Variants in SLC6A17 observed in about 807,000 individuals in gnomAD.
SLC6A17 encodes solute carrier family 6 member 17.
Under a neutral mutation model 64.5 loss-of-function variants are expected in SLC6A17, and 21 were observed. That is an observed-to-expected ratio of 0.33 (90% confidence interval 0.23 to 0.47). SLC6A17 has a LOEUF of 0.47. Ranked by LOEUF, SLC6A17 falls within the 20% of genes least tolerant of loss-of-function variation. The probability of loss-of-function intolerance (pLI) is 1.00; values close to 1 mark genes in which losing one functional copy is unlikely to be tolerated. For missense variants in SLC6A17, 682 were observed against 963.2 expected, an observed-to-expected ratio of 0.71 and a Z score of 3.86; for synonymous variants, 372 against 399.5, an observed-to-expected ratio of 0.93 and a Z score of 0.82.
rs183328295 is a variant in SLC6A17 at position 110,199,743 on chromosome 1, C to G, written c.*1299C>G. On this transcript the variant is annotated 3_prime_UTR_variant, in exon 12 of 12. Transcript: ENST00000331565. ...AAGGCTGCAGCTGACAACAGCGACC[C>G]CACCTGCCATTACCTTCAGGGCCTC... 1 of 387,824 alleles carries G rather than the reference C, an allele frequency of 2.6e-6. No individual in the cohort carries two copies. Among genetic ancestry groups the G allele is most frequent in the Non-Finnish European group, 4.6e-6 (1 of 219,736 alleles). 24.0% of individuals were successfully genotyped at this position (387,824 alleles called of 1,614,324 possible). A position where few individuals can be genotyped will look rare whatever the true frequency, so the allele number is the denominator to read the frequency against.
chr1:110,188,198 T>G (rs1656734078), intron 6 of SLC6A17, among the ~76,000 whole-genome samples: 1 of 152,208 alleles, frequency 6.6e-6, no homozygotes, highest in Non-Finnish European at 1.5e-5. Flanking sequence ...TTTCTAAAAT[T>G]AAATTAGAAA....
chr1:110,161,119 G>T (rs996370528), intron 1 of SLC6A17, among the ~76,000 whole-genome samples: 1 of 152,194 alleles, frequency 6.6e-6, no homozygotes, highest in Non-Finnish European at 1.5e-5. Context: ...TCAAGGCCAG[G>T]CCCTGTCAGG....
chr1:110,165,012 G>T lies in SLC6A17; in HGVS notation c.-87-1831G>T, dbSNP rs548487567. On this transcript the variant is annotated intron_variant, in intron 1 of 11. Transcript: ENST00000331565. The stretch of plus-strand genomic sequence containing the variant: ...TCTGAGCCAAGGAACTCTAGTGATT[G>T]CAGGCTCCAGAGGGACCCCCACCCT... Among the ~76,000 whole-genome samples, 55 of 152,178 alleles carry T rather than the reference G, an allele frequency of 3.6e-4. 1 individual carries two copies. The highest frequency in any genetic ancestry group is 7.9e-4 in the Admixed American group (12 of 15,278).
chr1:110,161,864 A>G (rs1655920309), intron 1 of SLC6A17, among the ~76,000 whole-genome samples: 1 of 152,190 alleles, frequency 6.6e-6, no homozygotes, highest in Non-Finnish European at 1.5e-5. Flanking sequence ...TTATTGCCGG[A>G]TGCTGTGCTT....
At chr1:110,177,600 G>A (rs949838703) in intron 6 of SLC6A17, 2 of 152,322 alleles carry the variant, frequency 1.3e-5, no homozygotes, top group Non-Finnish European at 2.9e-5. Context: ...CAGCTGGTCA[G>A]GCTGAGAGTC....
Position 110,192,488 on chromosome 1 carries a change from C to T in SLC6A17, c.1107-18C>T. ...CACCCCTGCCTTCTTACCTGGTCCT[C>T]TCGGTTTTGTGCTGCAGGAATGCTG... On this transcript the variant is annotated intron_variant, in intron 7 of 11. Transcript: ENST00000331565. This position sits in a 1 kb window ranked among gnomAD's most constrained non-coding sequence, Gnocchi z 4.3. 1.2e-6 allele frequency: 2 copies of T among 1,604,066 alleles called. No individual in the cohort carries two copies. The highest frequency in any genetic ancestry group is 8.5e-7 in the Non-Finnish European group (1 of 1,174,864).
intron 6 of SLC6A17, among the ~76,000 whole-genome samples, chr1:110,190,143 T>G (rs1656787246): frequency 6.6e-6 from 1 of 152,098 alleles, no homozygotes; most frequent in Admixed American, 6.5e-5. Context: ...CTTGACACCT[T>G]ATACCTAATA....
chr1:110,155,323 G>GT (rs555516945), intron 1 of SLC6A17, among the ~76,000 whole-genome samples: 1,660 of 152,230 alleles, frequency 0.011, 13 homozygotes, highest in Middle Eastern at 0.02. Flanking sequence ...GGCAAATCCA[G>GT]TTTTTTTTAA....
intron 2 of SLC6A17, among the ~76,000 whole-genome samples, chr1:110,170,815 T>C (rs1316261851): frequency 6.6e-6 from 1 of 152,104 alleles, no homozygotes; most frequent in East Asian, 1.9e-4. Context: ...TCAGCATGTA[T>C]GTGCATGGTT....
intron 6 of SLC6A17, among the ~76,000 whole-genome samples, chr1:110,185,432 T>C (rs981305810): frequency 2.6e-5 from 4 of 152,244 alleles, no homozygotes; most frequent in African/African-American, 9.6e-5. Flanking sequence ...GCAAGGTGTG[T>C]GCTCCTGTCA....
intron 6 of SLC6A17, among the ~76,000 whole-genome samples, chr1:110,187,630 C>T (rs187998361): frequency 2.4e-3 from 364 of 152,320 alleles, no homozygotes; most frequent in Non-Finnish European, 4.2e-3. Context: ...TTAGAACTCA[C>T]CAAACTGCTC....
At chr1:110,196,394 C>T (rs942660358) in intron 10 of SLC6A17, among the ~76,000 whole-genome samples, 2 of 152,196 alleles carry the variant, frequency 1.3e-5, no homozygotes, top group Non-Finnish European at 2.9e-5. Context: ...TTGGTCTGAC[C>T]CTCCCTGATG....
At chr1:110,152,204 A>G (rs953954332) in intron 1 of SLC6A17, among the ~76,000 whole-genome samples, 6 of 152,108 alleles carry the variant, frequency 3.9e-5, no homozygotes, top group Non-Finnish European at 7.4e-5. Flanking sequence ...GTCACACCTG[A>G]TTGTCCTTGG....
intron 6 of SLC6A17, among the ~76,000 whole-genome samples, chr1:110,181,475 G>A (rs1557836996): frequency 2.0e-5 from 3 of 152,196 alleles, no homozygotes; most frequent in Non-Finnish European, 2.9e-5. Context: ...GCACTGTTCC[G>A]AGTCACGGGA....
chr1:110,151,994 A>G (rs761727710), intron 1 of SLC6A17, among the ~76,000 whole-genome samples: 39 of 152,274 alleles, frequency 2.6e-4, no homozygotes, highest in Non-Finnish European at 5.0e-4. Flanking sequence ...CAATCCTGTA[A>G]TGGCTCCAAA....
chr1:110,167,785 AGTT>A (rs1557832378), intron 2 of SLC6A17, among the ~76,000 whole-genome samples: 1 of 152,190 alleles, frequency 6.6e-6, no homozygotes, highest in Non-Finnish European at 1.5e-5. Context: ...TATATGAAGG[AGTT>A]GTTATCATCC....
At chr1:110,173,894 T>TC in intron 3 of SLC6A17, 79 bp from the exon 4 acceptor site, 1 of 1,508,864 alleles carries the variant, frequency 6.6e-7, no homozygotes, top group South Asian at 1.4e-5. Flanking sequence ...GCTGCCGACG[T>TC]GCTGGGCCTC....
intron 6 of SLC6A17, among the ~76,000 whole-genome samples, chr1:110,177,017 G>T (rs1163091518): frequency 6.6e-6 from 1 of 152,210 alleles, no homozygotes; most frequent in Non-Finnish European, 1.5e-5. Context: ...ATTGCAGTGA[G>T]CTGCCATAGG....
chr1:110,167,441 A>G (rs1338638251), intron 2 of SLC6A17, among the ~76,000 whole-genome samples: 1 of 152,210 alleles, frequency 6.6e-6, no homozygotes, highest in African/African-American at 2.4e-5. Context: ...GCCTGGGTTC[A>G]GATTCCAGCC....
Sources: gnomAD v4.1 joint callset for allele counts (sites outside exome capture counted in the v4.1 genomes callset) on GRCh38, gnomAD v4.1.1 for gene constraint, Gnocchi (gnomAD v3.1) non-coding constraint, MANE v1.5 for transcripts, NCBI Gene and HGNC (gene_info 2026-07-23, HGNC 2026-07-21) for gene names.